COL26A1: variants seen among roughly 807,000 people sequenced by gnomAD.
COL26A1 encodes the protein collagen type XXVI alpha 1 chain.
In COL26A1, 41 loss-of-function variants were observed where a neutral mutation model predicts 59.3. The ratio of observed to expected loss-of-function variants is 0.69; its 90% CI spans 0.54 to 0.90. The LOEUF (loss-of-function observed/expected upper bound fraction) is 0.90, where lower values mean the gene tolerates loss of function less well. Ranked by LOEUF, COL26A1 falls within the 40% of genes least tolerant of loss-of-function variation. The pLI is 0.00. For synonymous variants in COL26A1, 266 were observed against 256.0 expected, an observed-to-expected ratio of 1.04 and a Z score of -0.37; for missense variants, 612 against 602.3, an observed-to-expected ratio of 1.02 and a Z score of -0.17.
chr7:101,469,456 C>A (rs1422673974), intron 3 of COL26A1, among the ~76,000 whole-genome samples: 1 of 151,940 alleles, frequency 6.6e-6, no homozygotes, highest in African/African-American at 2.4e-5. Flanking sequence ...CCCAGTTTAC[C>A]TGCACTTATG....
intron 1 of COL26A1, among the ~76,000 whole-genome samples, chr7:101,398,459 T>A (rs1251773908): frequency 6.6e-6 from 1 of 152,198 alleles, no homozygotes; most frequent in African/African-American, 2.4e-5. Context: ...GTCCTCTTAT[T>A]GGGCTTATGG....
At chr7:101,486,657 A>G (rs1794275720) in intron 3 of COL26A1, among the ~76,000 whole-genome samples, 1 of 152,254 alleles carries the variant, frequency 6.6e-6, no homozygotes, top group Admixed American at 6.5e-5. Flanking sequence ...GTTAATCCAC[A>G]TCCCGGTGGA....
chr7:101,498,304 T>C (rs1169286127), intron 3 of COL26A1, among the ~76,000 whole-genome samples: 1 of 152,208 alleles, frequency 6.6e-6, no homozygotes, highest in Non-Finnish European at 1.5e-5. Flanking sequence ...CAATGACCTC[T>C]TTCTTATCAG....
At chr7:101,381,028 A>G (rs10268365) in intron 1 of COL26A1, among the ~76,000 whole-genome samples, 9,315 of 152,212 alleles carry the variant, frequency 0.061, 659 homozygotes, top group African/African-American at 0.16. Context: ...ACCTCTTTGC[A>G]AGCTGTGTTA....
In COL26A1 at chr7:101,557,848, C is replaced by T; in HGVS notation, c.*318C>T. On this transcript the variant is annotated 3_prime_UTR_variant, in exon 13 of 13. Coordinates refer to ENST00000313669, the MANE Select transcript of COL26A1 (RefSeq NM_001278563.3). Reference sequence around the variant, plus strand: ...TTTATTGAGTCCCTGCTGTAACTGGCCCTGTCCAGGGAACTTTCGTTACGT... The same window carrying T: ...TTTATTGAGTCCCTGCTGTAACTGGTCCTGTCCAGGGAACTTTCGTTACGT... The T allele has an allele frequency of 3.9e-6, 1 of 258,406 alleles. No homozygotes were observed. The highest frequency in any genetic ancestry group is 7.3e-6 in the Non-Finnish European group (1 of 136,154). The allele number at this position is 258,406 out of a possible 1,614,324, so 16.0% of individuals were successfully genotyped here. A position where few individuals can be genotyped will look rare whatever the true frequency, so the allele number is the denominator to read the frequency against.
intron 2 of COL26A1, among the ~76,000 whole-genome samples, chr7:101,437,559 T>C (rs951775219): frequency 4.0e-5 from 6 of 151,890 alleles, no homozygotes; most frequent in Admixed American, 1.3e-4. Context: ...AGGCTTAGGA[T>C]TTGGGTATTG....
chr7:101,380,969 T>C (rs1791433764), intron 1 of COL26A1, among the ~76,000 whole-genome samples: 1 of 152,224 alleles, frequency 6.6e-6, no homozygotes, highest in African/African-American at 2.4e-5. Flanking sequence ...TTCTAGGTTG[T>C]TCTCTGTCAT....
chr7:101,384,666 T>G (rs1791526097), intron 1 of COL26A1, among the ~76,000 whole-genome samples: 1 of 152,142 alleles, frequency 6.6e-6, no homozygotes, highest in African/African-American at 2.4e-5. Context: ...TGTGTGTTGG[T>G]CATTGTGTGT....
intron 3 of COL26A1, among the ~76,000 whole-genome samples, chr7:101,464,763 G>A (rs1031476779): frequency 2.6e-5 from 4 of 151,872 alleles, no homozygotes; most frequent in Admixed American, 6.6e-5. Flanking sequence ...TGTCTTGCTC[G>A]GTTGCCCAGA....
At chr7:101,379,846 C>T (rs925494353) in intron 1 of COL26A1, among the ~76,000 whole-genome samples, 1 of 152,192 alleles carries the variant, frequency 6.6e-6, no homozygotes, top group Non-Finnish European at 1.5e-5. Flanking sequence ...AGGAAGTTAC[C>T]TTTTATGGTC....
intron 3 of COL26A1, among the ~76,000 whole-genome samples, chr7:101,514,737 A>C (rs1000592992): frequency 6.6e-6 from 1 of 152,198 alleles, no homozygotes; most frequent in African/African-American, 2.4e-5. Context: ...GAGAAGGAGA[A>C]AGGGGATGTG....
intron 3 of COL26A1, among the ~76,000 whole-genome samples, chr7:101,504,464 A>T (rs1794765704): frequency 6.6e-6 from 1 of 151,678 alleles, no homozygotes; most frequent in African/African-American, 2.4e-5. Context: ...ACCAGGGCCA[A>T]CCTCCTCCCC....
intron 3 of COL26A1, among the ~76,000 whole-genome samples, chr7:101,487,993 CT>C (rs1051634964): frequency 2.6e-5 from 4 of 152,004 alleles, no homozygotes; most frequent in Admixed American, 2.6e-4. Context: ...TGTGATTAGG[CT>C]GGGCGCAGTG....
chr7:101,406,317 C>A (rs889568495), intron 1 of COL26A1, among the ~76,000 whole-genome samples: 1 of 152,000 alleles, frequency 6.6e-6, no homozygotes, highest in African/African-American at 2.4e-5. Context: ...TTTTTGTGCC[C>A]GAAAAACTGA....
At chr7:101,514,102 G>T (rs1458002706) in intron 3 of COL26A1, among the ~76,000 whole-genome samples, 1 of 152,082 alleles carries the variant, frequency 6.6e-6, no homozygotes, top group African/African-American at 2.4e-5. Context: ...TTGGGAGGCC[G>T]GGGTGGGTGG....
At chr7:101,379,841 G>A (rs1292195765) in intron 1 of COL26A1, among the ~76,000 whole-genome samples, 1 of 152,210 alleles carries the variant, frequency 6.6e-6, no homozygotes. Context: ...ATGTCAGGAA[G>A]TTACCTTTTA....
Position 101,495,628 on chromosome 7 carries a change from C to G in COL26A1, c.386-37454C>G, listed in dbSNP as rs545378877. Among the ~76,000 whole-genome samples, 379 of 151,244 alleles carry G rather than the reference C, an allele frequency of 2.5e-3. 1 individual carries two copies. The highest frequency in any genetic ancestry group is 3.7e-3 in the Non-Finnish European group (253 of 67,770). ...TTGAGACGGGGTTTCACCATGTTAG[C>G]CAGAATGGTCTCAATCTCCTGACCT... On this transcript the variant is annotated intron_variant, in intron 3 of 12. Coordinates refer to ENST00000313669, the MANE Select transcript of COL26A1 (RefSeq NM_001278563.3).
intron 1 of COL26A1, among the ~76,000 whole-genome samples, chr7:101,400,832 TACAG>T (rs1214962863): frequency 1.3e-5 from 2 of 152,156 alleles, no homozygotes; most frequent in Non-Finnish European, 2.9e-5. Flanking sequence ...GTGCTGGGAT[TACAG>T]ACATGAGCCA....
intron 11 of COL26A1, among the ~76,000 whole-genome samples, chr7:101,555,475 G>A (rs1462458349): frequency 6.6e-6 from 1 of 152,148 alleles, no homozygotes; most frequent in Non-Finnish European, 1.5e-5. Context: ...ATGGTGGAAG[G>A]AAAAGCTCAG....
Sources: allele counts gnomAD v4.1 joint callset (sites outside exome capture counted in the v4.1 genomes callset), GRCh38; gene constraint gnomAD v4.1.1; transcripts MANE v1.5; gene names NCBI Gene and HGNC (gene_info 2026-07-23, HGNC 2026-07-21).